Variants in TANC2 observed in about 807,000 individuals in gnomAD.
TANC2 encodes the protein protein TANC2.
In TANC2, 26 loss-of-function variants were observed where a neutral mutation model predicts 210.5. The ratio of observed to expected loss-of-function variants is 0.12; its 90% CI spans 0.09 to 0.17. TANC2 has a LOEUF of 0.17. TANC2 is among the 10% of genes least tolerant of loss of function. The pLI is 1.00. For synonymous variants in TANC2, 931 were observed against 967.1 expected (o/e 0.96, Z 0.69); for missense variants, 2,129 against 2,608.9 (o/e 0.82, Z 4.01).
exon 6 of TANC2, chr17:63,194,138 A>G (rs1440917384): frequency 6.2e-7 from 1 of 1,611,982 alleles, no homozygotes; most frequent in Non-Finnish European, 8.5e-7. Context: ...GATGAAAATC[A>G]GGTAAGCTGT....
At chr17:63,207,210 CCT>C (rs1567815317) in intron 7 of TANC2, among the ~76,000 whole-genome samples, 1 of 139,474 alleles carries the variant, frequency 7.2e-6, no homozygotes, top group African/African-American at 2.7e-5. Context: ...CTTTTTTTTT[CCT>C]TTTTTTTTTT....
chr17:63,185,019 G>A (rs1315098732), intron 5 of TANC2, among the ~76,000 whole-genome samples: 1 of 151,000 alleles, frequency 6.6e-6, no homozygotes, highest in Non-Finnish European at 1.5e-5. Context: ...GTGTGAGACA[G>A]GGTCTCACTC....
At chr17:63,055,990 AATATAT>A (rs57112801) in intron 2 of TANC2, among the ~76,000 whole-genome samples, 130 of 10,040 alleles carry the variant, frequency 0.013, 2 homozygotes, top group African/African-American at 0.021. Flanking sequence ...AAAAAAAAAA[AATATAT>A]ATATATATAT....
intron 11 of TANC2, among the ~76,000 whole-genome samples, chr17:63,322,745 G>T (rs1419243381): frequency 6.6e-6 from 1 of 152,164 alleles, no homozygotes; most frequent in Non-Finnish European, 1.5e-5. Context: ...TAAGTGCTAA[G>T]ATCACAGAGA....
Position 63,267,878 on chromosome 17 carries a change from G to A in TANC2, c.1159+5G>A. 6.2e-7 allele frequency: 1 copy of A among 1,608,198 alleles called. No homozygotes were observed. Among genetic ancestry groups the A allele is most frequent in the Non-Finnish European group, 8.5e-7 (1 of 1,176,938 alleles). ...GCACACAGCAGGATTTAAGAGGTTA[G>A]AACCACAGAAGGGCTTTAAGGGTGC... On this transcript the variant is annotated splice_donor_5th_base_variant and intron_variant, in intron 9 of 27. Coordinates refer to ENST00000689528, the Ensembl canonical transcript of TANC2.
chr17:63,412,635 T>G lies in TANC2; in HGVS notation c.3899-45T>G. On this transcript the variant is annotated intron_variant, in intron 23 of 27. Coordinates refer to ENST00000689528, the Ensembl canonical transcript of TANC2. The surrounding 1 kb of genome is among the most constrained non-coding windows in gnomAD (Gnocchi z 4.2). ...TTTTTTTTTTTCACCTTCATCCATT[T>G]TTTTTTCCTCTCCTACAACTTTTTG... 1 of 1,509,648 alleles carries G rather than the reference T, an allele frequency of 6.6e-7. No individual in the cohort carries two copies. The highest frequency in any genetic ancestry group is 8.9e-7 in the Non-Finnish European group (1 of 1,128,314). The allele number at this position is 1,509,648 out of a possible 1,614,324, so 93.5% of individuals were successfully genotyped here. A position where few individuals can be genotyped will look rare whatever the true frequency, so the allele number is the denominator to read the frequency against.
chr17:63,298,016 C>T (rs556859293), intron 9 of TANC2, among the ~76,000 whole-genome samples: 1 of 152,068 alleles, frequency 6.6e-6, no homozygotes, highest in Non-Finnish European at 1.5e-5. Context: ...CTATTTTACA[C>T]CCCCTAGGAT....
intron 2 of TANC2, among the ~76,000 whole-genome samples, chr17:63,043,841 C>G (rs1431551539): frequency 6.6e-6 from 1 of 152,050 alleles, no homozygotes; most frequent in African/African-American, 2.4e-5. Context: ...AATTTAAAAG[C>G]CCATAGCAGG....
At position 63,377,720 on chromosome 17, in the gene TANC2, CACCCT is replaced by C. The variant is rs557607348; in HGVS notation, c.2583-1995_2583-1991del. ...AAGTTGCTTCCACATTTTTGGGCAG[CACCCT>C]ACTCTCTGCAGTACCAACTTACTGT... is the stretch of plus-strand genomic sequence containing the variant. On this transcript the variant is annotated intron_variant, in intron 14 of 27. Transcript: ENST00000689528. Among the ~76,000 whole-genome samples, 161 of 152,320 alleles carry C rather than the reference CACCCT, an allele frequency of 1.1e-3. 1 individual carries two copies. The highest frequency in any genetic ancestry group is 3.7e-3 in the African/African-American group (155 of 41,574).
At chr17:63,334,855 A>G (rs796646547) in intron 11 of TANC2, among the ~76,000 whole-genome samples, 3 of 152,320 alleles carry the variant, frequency 2.0e-5, no homozygotes, top group African/African-American at 7.2e-5. Context: ...CTGTATGAGC[A>G]TGGCATGTGT....
chr17:63,116,517 A>G (rs2038256997), intron 4 of TANC2, among the ~76,000 whole-genome samples: 1 of 152,244 alleles, frequency 6.6e-6, no homozygotes, highest in Non-Finnish European at 1.5e-5. Context: ...CTGTCTTACA[A>G]GTGATTGACG....
intron 2 of TANC2, among the ~76,000 whole-genome samples, chr17:63,030,166 A>G (rs1167198506): frequency 6.6e-6 from 1 of 152,160 alleles, no homozygotes; most frequent in Non-Finnish European, 1.5e-5. Flanking sequence ...TTTTAGAGGA[A>G]ATATGAACTT....
Position 63,420,039 on chromosome 17 carries a change from A to C in TANC2, c.4309A>C (p.Lys1437Gln). 6.4e-7 allele frequency: 1 copy of C among 1,551,644 alleles called. No homozygotes were observed. The highest frequency in any genetic ancestry group is 1.2e-5 in the South Asian group (1 of 84,038). Reference sequence around the variant, plus strand: ...CTTAGAGGACCTGAACGAGGCCATCAAGCTGTGTCCCAACAACCGTGAGAT... The same window carrying C: ...CTTAGAGGACCTGAACGAGGCCATCCAGCTGTGTCCCAACAACCGTGAGAT... Residue 1437 changes from lysine (K) to glutamine (Q), a missense_variant, in exon 28 of 28, where the codon AAG becomes CAG. Lys to Gln is a moderately conservative substitution (Grantham distance 53, BLOSUM62 1). Around this residue, in one of 5 missense-constraint regions of TANC2, gnomAD observed 584 missense variants for 627.3 expected, o/e 0.93. Coordinates refer to ENST00000689528, the Ensembl canonical transcript of TANC2. The surrounding 1 kb of genome is among the most constrained non-coding windows in gnomAD (Gnocchi z 4.2).
At chr17:63,085,332 T>C (rs1054039587) in intron 3 of TANC2, among the ~76,000 whole-genome samples, 4 of 152,174 alleles carry the variant, frequency 2.6e-5, no homozygotes, top group Admixed American at 2.6e-4. Context: ...ATTGATATAG[T>C]TGGATTATTA....
chr17:63,213,870 A>G (rs769582140), intron 7 of TANC2, among the ~76,000 whole-genome samples: 10 of 152,248 alleles, frequency 6.6e-5, no homozygotes, highest in Non-Finnish European at 1.3e-4. Flanking sequence ...CAACATTTTC[A>G]GCACCAGGAC....
At chr17:63,008,910 G>A (rs911831267) in intron 1 of TANC2, among the ~76,000 whole-genome samples, 1 of 152,130 alleles carries the variant, frequency 6.6e-6, no homozygotes, top group African/African-American at 2.4e-5. Flanking sequence ...AGAATGGAGA[G>A]TCAAGTGAAA....
chr17:62,996,122 A>G (rs929698633), intron 1 of TANC2, among the ~76,000 whole-genome samples: 7 of 152,296 alleles, frequency 4.6e-5, no homozygotes, highest in African/African-American at 1.2e-4. Flanking sequence ...ATTACTGTAT[A>G]TAACTTTTTT....
At chr17:63,186,906 A>T (rs2041008823) in intron 5 of TANC2, among the ~76,000 whole-genome samples, 2 of 152,210 alleles carry the variant, frequency 1.3e-5, no homozygotes. Context: ...GTTTTTCAAC[A>T]ACCAGATATC....
At chr17:63,004,072 T>C (rs1425179250) in intron 1 of TANC2, among the ~76,000 whole-genome samples, 3 of 152,196 alleles carry the variant, frequency 2.0e-5, no homozygotes, top group Non-Finnish European at 4.4e-5. Context: ...AAGTCTTCAT[T>C]TGATGCTCAG....
Sources: allele counts gnomAD v4.1 joint callset (sites outside exome capture counted in the v4.1 genomes callset), GRCh38; gene constraint gnomAD v4.1.1; regional missense constraint gnomAD v4.1.1; non-coding constraint Gnocchi (gnomAD v3.1); transcripts MANE v1.5; gene names NCBI Gene and HGNC (gene_info 2026-07-23, HGNC 2026-07-21).